FREM1: variants seen among roughly 807,000 people sequenced by gnomAD.
FREM1 encodes the protein FRAS1-related extracellular matrix protein 1.
FREM1 carries 220 observed loss-of-function variants against 210.1 expected under a neutral mutation model. The ratio of observed to expected loss-of-function variants is 1.05; its 90% CI spans 0.94 to 1.17. The LOEUF is 1.17. FREM1 is among the 50% of genes most tolerant of loss of function. The pLI is 0.00. For synonymous variants in FREM1, 1,189 were observed against 980.2 expected (o/e 1.21, Z -3.98); for missense variants, 3,454 against 2,675.5 (o/e 1.29, Z -6.42).
intron 20 of FREM1, 38 bp downstream of exon 20, chr9:14,801,614 C>G: frequency 7.3e-7 from 1 of 1,376,094 alleles, no homozygotes; most frequent in Non-Finnish European, 1.0e-6. Context: ...ATTATTCAAT[C>G]AACAATAACA....
intron 1 of FREM1, among the ~76,000 whole-genome samples, chr9:14,904,276 T>C (rs1817303563): frequency 6.6e-6 from 1 of 152,158 alleles, no homozygotes; most frequent in Admixed American, 6.5e-5. Context: ...TCGTTTTTGG[T>C]TCTCTCTGGT....
In FREM1 at chr9:14,868,944, C is replaced by G; in HGVS notation, c.34G>C (p.Val12Leu). ...CAGGCCAGGAGGAGCAGCAGCAGCA[C>G]GGCATTCGCAGCCCCCCAACTCAGA... ...NSLSWGAANAVLLLLLLAWAS... is the reference protein window; with the variant it reads ...NSLSWGAANALLLLLLLAWAS... Residue 12 changes from valine (V) to leucine (L), a missense_variant, in exon 2 of 37, where the codon GTG becomes CTG. Coordinates refer to ENST00000380880, the MANE Select transcript of FREM1 (RefSeq NM_001379081.2). The G allele has an allele frequency of 6.3e-7, 1 of 1,596,172 alleles. No homozygotes were observed. Among genetic ancestry groups the G allele is most frequent in the Non-Finnish European group, 8.5e-7 (1 of 1,173,186 alleles).
chr9:14,747,007 C>A lies in FREM1; in HGVS notation c.6054G>T (p.Lys2018Asn), dbSNP rs1159211744. ...TGCCTTCTTCAAAATGGAAGAGTCCCTTTAATTCCAGAGTGCAGTTCTTTG... is the reference window on the plus strand; with the variant it reads ...TGCCTTCTTCAAAATGGAAGAGTCCATTTAATTCCAGAGTGCAGTTCTTTG... ...SFPKNCTLEL[K>N]GLFHFEEGIQ... The change falls in exon 34 of 37, where the codon AAG becomes AAT. Residue 2018 changes from lysine (K) to asparagine (N), a missense_variant. Transcript: ENST00000380880. 6.2e-7 allele frequency: 1 copy of A among 1,613,116 alleles called. No homozygotes were observed.
intron 6 of FREM1, among the ~76,000 whole-genome samples, chr9:14,850,889 C>T (rs1174956339): frequency 3.9e-5 from 6 of 152,318 alleles, no homozygotes; most frequent in South Asian, 4.1e-4. Flanking sequence ...TAGCACAATA[C>T]GTTTCACTAC....
chr9:14,860,592 TACATATATAC>T lies in FREM1; in HGVS notation c.330-1118_330-1109del, dbSNP rs1258322367. On this transcript the variant is annotated intron_variant, in intron 3 of 36. Transcript: ENST00000380880. ...ATACACATATATATACACATATATA[TACATATATAC>T]ACATATATACACACATATATATACA... 1.9e-4 allele frequency among the ~76,000 whole-genome samples: 20 copies of T among 103,684 alleles called. 1 individual carries two copies. In the South Asian group the frequency reaches 2.6e-3, roughly 13 times the overall value. The allele number at this position is 103,684 out of a possible 152,430, so 68.0% of individuals were successfully genotyped here.
intron 1 of FREM1, among the ~76,000 whole-genome samples, chr9:14,895,843 CAGCCTGAAGA>C (rs1042265450): frequency 2.6e-5 from 4 of 152,042 alleles, no homozygotes; most frequent in Non-Finnish European, 4.4e-5. Flanking sequence ...CACCCCTATT[CAGCCTGAAGA>C]AGTTACAGAA....
chr9:14,905,312 A>G (rs1201181199), intron 1 of FREM1, among the ~76,000 whole-genome samples: 1 of 152,216 alleles, frequency 6.6e-6, no homozygotes, highest in Non-Finnish European at 1.5e-5. Context: ...TTGAATGAAT[A>G]TGTCCTTCCT....
intron 30 of FREM1, 138 bp downstream of exon 30, chr9:14,749,989 C>T (rs1020866004): frequency 2.4e-6 from 2 of 842,490 alleles, no homozygotes; most frequent in African/African-American, 3.4e-5. Context: ...AAAGGGCCTA[C>T]ATCACGACTG....
At position 14,806,607 on chromosome 9, in the gene FREM1, G is replaced by A. The variant is rs553908995; in HGVS notation, c.3274+54C>T. Reference sequence around the variant, plus strand: ...GTTATTAAGCATGACCTGGCCAATCGCTTCCATAAATATAAGGAAGGGAGT... The same window carrying A: ...GTTATTAAGCATGACCTGGCCAATCACTTCCATAAATATAAGGAAGGGAGT... On this transcript the variant is annotated intron_variant, in intron 18 of 36. Transcript: ENST00000380880. 101 of 1,034,148 alleles carry A rather than the reference G, an allele frequency of 9.8e-5. 1 individual carries two copies. Among genetic ancestry groups the A allele is most frequent in the African/African-American group, 9.3e-4 (59 of 63,416 alleles). The allele number at this position is 1,034,148 out of a possible 1,614,324, so 64.1% of individuals were successfully genotyped here.
rs760293711 is a variant in FREM1, at chr9:14,807,923, A to C, written c.3088+17T>G. 4.9e-5 allele frequency: 78 copies of C among 1,596,230 alleles called. No homozygotes were observed. The highest frequency in any genetic ancestry group is 6.3e-5 in the Non-Finnish European group (73 of 1,164,910). On this transcript the variant is annotated intron_variant, in intron 17 of 36. Transcript: ENST00000380880. ...TAGGTCAGACAATAGTACTGGAACAAAAAAACACATTGTCACCTATTGCAA... is the reference window on the plus strand; with the variant it reads ...TAGGTCAGACAATAGTACTGGAACACAAAAACACATTGTCACCTATTGCAA...
intron 24 of FREM1, among the ~76,000 whole-genome samples, chr9:14,778,145 G>C (rs1295924655): frequency 1.3e-5 from 2 of 151,830 alleles, no homozygotes; most frequent in Non-Finnish European, 2.9e-5. Context: ...CTTGAATAAA[G>C]GTATTCAGTT....
chr9:14,887,878 A>G (rs1489949977), intron 1 of FREM1, among the ~76,000 whole-genome samples: 1 of 152,142 alleles, frequency 6.6e-6, no homozygotes, highest in Non-Finnish European at 1.5e-5. Context: ...GCTCACTGCA[A>G]CCTCCACCTC....
At chr9:14,762,218 TA>T (rs1199332200) in intron 27 of FREM1, among the ~76,000 whole-genome samples, 3 of 151,866 alleles carry the variant, frequency 2.0e-5, no homozygotes, top group Non-Finnish European at 4.4e-5. Context: ...CAAGATGGAT[TA>T]GGGGAAAAGA....
intron 5 of FREM1, among the ~76,000 whole-genome samples, chr9:14,855,542 C>T (rs1043325110): frequency 4.6e-5 from 7 of 152,000 alleles, no homozygotes; most frequent in African/African-American, 1.4e-4. Flanking sequence ...AGTATAAATG[C>T]GATTCCATAA....
At chr9:14,758,336 C>T (rs377015684) in intron 28 of FREM1, among the ~76,000 whole-genome samples, 2 of 152,130 alleles carry the variant, frequency 1.3e-5, no homozygotes, top group Non-Finnish European at 1.5e-5. Flanking sequence ...TGAATGGTGG[C>T]GTGGCCCAAA....
intron 27 of FREM1, among the ~76,000 whole-genome samples, chr9:14,768,645 G>T (rs1487396591): frequency 1.3e-5 from 2 of 152,204 alleles, no homozygotes; most frequent in South Asian, 4.2e-4. Flanking sequence ...GGAGTGGGAC[G>T]CTGGGAATGT....
chr9:14,745,595 T>C (rs895861546), intron 35 of FREM1, among the ~76,000 whole-genome samples: 1 of 152,216 alleles, frequency 6.6e-6, no homozygotes, highest in African/African-American at 2.4e-5. Context: ...ATGGAGTCTT[T>C]AGATGTGTAT....
rs754925864 is a variant in FREM1, at chr9:14,841,570, G to A, written c.1758C>T (p.Phe586=). The A allele has an allele frequency of 1.9e-6, 3 of 1,607,980 alleles. No individual in the cohort carries two copies. Among genetic ancestry groups the A allele is most frequent in the Non-Finnish European group, 1.7e-6 (2 of 1,175,820 alleles). ...PGLIGYPVHG[F]LQRDLFNGII... The stretch of plus-strand genomic sequence containing the variant: ...TTCCATTAAACAAATCCCTCTGAAG[G>A]AAGCCATGGACAGGATAGCCTATTG... Residue 586 remains phenylalanine, a synonymous_variant, in exon 10 of 37, where the codon TTC becomes TTT. Transcript: ENST00000380880.
intron 1 of FREM1, among the ~76,000 whole-genome samples, chr9:14,895,134 C>T (rs1043152870): frequency 1.3e-4 from 20 of 152,104 alleles, no homozygotes; most frequent in African/African-American, 1.7e-4. Context: ...AACCCATGGC[C>T]GGTCTCAGCT....
Sources: allele counts gnomAD v4.1 joint callset (sites outside exome capture counted in the v4.1 genomes callset), GRCh38; gene constraint gnomAD v4.1.1; transcripts MANE v1.5; gene names NCBI Gene and HGNC (gene_info 2026-07-23, HGNC 2026-07-21).